Variants in RMDN2 observed in about 807,000 individuals in gnomAD.
RMDN2 encodes the protein regulator of microtubule dynamics 2.
In RMDN2, 61 loss-of-function variants were observed where a neutral mutation model predicts 52.8. The observed-to-expected ratio is 1.16, with a 90% confidence interval of 0.94 to 1.43. The LOEUF (loss-of-function observed/expected upper bound fraction) is 1.43, where lower values mean the gene tolerates loss of function less well. RMDN2 is among the 40% of genes most tolerant of loss of function. RMDN2 has a pLI of 0.00. For missense variants in RMDN2, 592 were observed against 475.3 expected, an observed-to-expected ratio of 1.25 and a Z score of -2.28; for synonymous variants, 180 against 153.1, an observed-to-expected ratio of 1.18 and a Z score of -1.30.
intron 5 of RMDN2, among the ~76,000 whole-genome samples, chr2:37,988,165 C>G (rs1674290661): frequency 6.6e-6 from 1 of 152,160 alleles, no homozygotes; most frequent in South Asian, 2.1e-4. Context: ...TAAAAGTGCT[C>G]CAAAACATAG....
chr2:37,959,671 T>A (rs1400263199), intron 2 of RMDN2, among the ~76,000 whole-genome samples: 2 of 150,984 alleles, frequency 1.3e-5, no homozygotes, highest in African/African-American at 2.5e-5. Context: ...CAGATCTTAG[T>A]TATTTCTCAT....
intron 2 of RMDN2, among the ~76,000 whole-genome samples, chr2:37,970,958 CTT>C (rs1305378352): frequency 2.0e-5 from 3 of 151,950 alleles, no homozygotes; most frequent in South Asian, 2.1e-4. Flanking sequence ...ATACAAGTCT[CTT>C]ATCAGATATA....
At chr2:38,003,781 ATT>A (rs1573035623) in intron 8 of RMDN2, among the ~76,000 whole-genome samples, 2 of 152,336 alleles carry the variant, frequency 1.3e-5, no homozygotes, top group East Asian at 3.9e-4. Context: ...ATGGTAATCA[ATT>A]TTATTTTAAT....
chr2:38,056,086 C>A (rs968895951), intron 10 of RMDN2, among the ~76,000 whole-genome samples: 1 of 152,168 alleles, frequency 6.6e-6, no homozygotes, highest in East Asian at 1.9e-4. Context: ...CCAAGCACAT[C>A]ACATTCATTC....
intron 8 of RMDN2, among the ~76,000 whole-genome samples, chr2:37,999,285 G>A (rs7590086): frequency 0.063 from 9,618 of 152,118 alleles, 1,014 homozygotes; most frequent in African/African-American, 0.21. Flanking sequence ...CTCTCTCTCA[G>A]TTTCATCAAT....
At chr2:37,961,766 A>G (rs956856215) in intron 2 of RMDN2, among the ~76,000 whole-genome samples, 1 of 152,054 alleles carries the variant, frequency 6.6e-6, no homozygotes, top group African/African-American at 2.4e-5. Flanking sequence ...GGAGGAGAAG[A>G]GGCATTCTGG....
At chr2:38,052,116 C>A (rs1401242229) in intron 10 of RMDN2, among the ~76,000 whole-genome samples, 1 of 152,168 alleles carries the variant, frequency 6.6e-6, no homozygotes, top group African/African-American at 2.4e-5. Context: ...AATGGCTGTA[C>A]AAATTTACAT....
intron 2 of RMDN2, among the ~76,000 whole-genome samples, chr2:37,938,552 AGTACTGCCT>A: frequency 6.6e-6 from 1 of 152,208 alleles, no homozygotes; most frequent in Non-Finnish European, 1.5e-5. Flanking sequence ...TAGGCTATTA[AGTACTGCCT>A]CAATTTCAGA....
intron 2 of RMDN2, among the ~76,000 whole-genome samples, chr2:37,973,068 C>A (rs1182072814): frequency 6.6e-6 from 1 of 150,554 alleles, no homozygotes; most frequent in Non-Finnish European, 1.5e-5. Flanking sequence ...TCCTTTGTAG[C>A]AAAGGTATAG....
intron 2 of RMDN2, among the ~76,000 whole-genome samples, chr2:37,957,771 G>A (rs984866567): frequency 9.9e-5 from 15 of 152,126 alleles, no homozygotes; most frequent in African/African-American, 3.6e-4. Context: ...GGTTTTTATG[G>A]CTTTAGGTTT....
chr2:37,968,329 G>A (rs536800371), intron 2 of RMDN2, among the ~76,000 whole-genome samples: 1 of 116,922 alleles, frequency 8.6e-6, no homozygotes, highest in African/African-American at 3.9e-5. Flanking sequence ...TGTAATCCCA[G>A]CTTGGGGGGC....
intron 1 of RMDN2, among the ~76,000 whole-genome samples, chr2:37,926,169 G>A (rs919175547): frequency 1.3e-5 from 2 of 151,902 alleles, no homozygotes; most frequent in Non-Finnish European, 2.9e-5. Flanking sequence ...GAGTTTATTA[G>A]AGTTATGCAT....
At chr2:37,921,608 G>A (rs1253093900), upstream of RMDN2, among the ~76,000 whole-genome samples, 1 of 152,214 alleles carries the variant, frequency 6.6e-6, no homozygotes, top group African/African-American at 2.4e-5. Flanking sequence ...GGATACAAAT[G>A]ATGTAATATC....
At chr2:37,985,995 C>T (rs1472740306) in intron 5 of RMDN2, among the ~76,000 whole-genome samples, 1 of 152,004 alleles carries the variant, frequency 6.6e-6, no homozygotes, top group African/African-American at 2.4e-5. Flanking sequence ...ATAGGGAAAA[C>T]TAGGTGTGGC....
Position 37,981,354 on chromosome 2 carries a change from A to G in RMDN2, c.791+11A>G. The G allele has an allele frequency of 2.5e-6, 4 of 1,574,870 alleles. No homozygotes were observed. The highest frequency in any genetic ancestry group is 3.5e-6 in the Non-Finnish European group (4 of 1,144,752). ...ACATTGTCATCTGTGGTAAGTGTAT[A>G]GGATTTATGCAGTCTTTTAAATTCT... On this transcript the variant is annotated intron_variant, in intron 5 of 10. Transcript: ENST00000354545.
intron 10 of RMDN2, among the ~76,000 whole-genome samples, chr2:38,010,838 C>T (rs1677880604): frequency 6.6e-6 from 1 of 152,212 alleles, no homozygotes; most frequent in Admixed American, 6.5e-5. Flanking sequence ...TGTTGCTATT[C>T]AGCCATCTTG....
intron 2 of RMDN2, among the ~76,000 whole-genome samples, chr2:37,940,322 C>A (rs1667677496): frequency 6.6e-6 from 1 of 152,066 alleles, no homozygotes; most frequent in African/African-American, 2.4e-5. Context: ...ATATTTTTTC[C>A]TTCACTTCCA....
intron 4 of RMDN2, among the ~76,000 whole-genome samples, chr2:37,978,209 A>G (rs1672808128): frequency 6.6e-6 from 1 of 151,572 alleles, no homozygotes. Context: ...AATCGCAGGT[A>G]CTTGGCAGGC....
chr2:38,007,930 A>C (rs532343755), intron 10 of RMDN2, among the ~76,000 whole-genome samples: 2 of 152,062 alleles, frequency 1.3e-5, no homozygotes, highest in African/African-American at 4.8e-5. Flanking sequence ...GGTTTCAAAG[A>C]ACATCTTTAT....
Sources: allele counts gnomAD v4.1 joint callset (sites outside exome capture counted in the v4.1 genomes callset), GRCh38; gene constraint gnomAD v4.1.1; transcripts MANE v1.5; gene names NCBI Gene and HGNC (gene_info 2026-07-23, HGNC 2026-07-21).